ARHGAP17: variants seen among roughly 807,000 people sequenced by gnomAD.
The protein encoded by ARHGAP17 is rho GTPase-activating protein 17.
Under a neutral mutation model 99.5 loss-of-function variants are expected in ARHGAP17, and 57 were observed. That is an observed-to-expected ratio of 0.57 (90% CI 0.46 to 0.71). The LOEUF (loss-of-function observed/expected upper bound fraction) is 0.71, where lower values mean the gene tolerates loss of function less well. Among genes scored for constraint, ARHGAP17 ranks in the 30% least tolerant of loss-of-function variants. The probability of loss-of-function intolerance (pLI) is 0.00; values close to 1 mark genes in which losing one functional copy is unlikely to be tolerated. For synonymous variants in ARHGAP17, 417 were observed against 429.6 expected, an observed-to-expected ratio of 0.97 and a Z score of 0.36; for missense variants, 1,000 against 1,122.4, an observed-to-expected ratio of 0.89 and a Z score of 1.56.
chr16:24,944,917 A>G (rs906234872), intron 14 of ARHGAP17, among the ~76,000 whole-genome samples: 1 of 151,818 alleles, frequency 6.6e-6, no homozygotes, highest in Non-Finnish European at 1.5e-5. Flanking sequence ...CGCCTGGCAA[A>G]TGTGCCTTTT....
intron 1 of ARHGAP17, among the ~76,000 whole-genome samples, chr16:24,980,987 C>T (rs1311593924): frequency 6.6e-6 from 1 of 152,096 alleles, no homozygotes; most frequent in Non-Finnish European, 1.5e-5. Flanking sequence ...CAAATATGTC[C>T]TTTTTCAGAG....
chr16:24,999,722 G>A (rs763686312), intron 1 of ARHGAP17, among the ~76,000 whole-genome samples: 8 of 152,120 alleles, frequency 5.3e-5, no homozygotes, highest in Non-Finnish European at 1.0e-4. Context: ...CCCACCTACA[G>A]GCTATCTTTT....
At chr16:25,004,443 C>T (rs1046841633) in intron 1 of ARHGAP17, among the ~76,000 whole-genome samples, 3 of 152,142 alleles carry the variant, frequency 2.0e-5, no homozygotes, top group African/African-American at 7.2e-5. Context: ...TACCGCTGGC[C>T]ATGGTTTCAA....
chr16:24,964,279 GT>G lies in ARHGAP17; in HGVS notation c.490del (p.Thr164ProfsTer10). The G allele has an allele frequency of 6.2e-7, 1 of 1,613,682 alleles. No homozygotes were observed. Among genetic ancestry groups the G allele is most frequent in the Non-Finnish European group, 8.5e-7 (1 of 1,179,880 alleles). ...TTTTGATGGAAGCCCCTGAAAGTTG[GT>G]TCCTGAGGATTTGTGAGCTTGGTTC... ...RWNQAHKSSG[T>X]NFQGLPSKID... is the part of the protein sequence containing the mutation. On this transcript the variant is annotated frameshift_variant, in exon 7 of 20. Coordinates refer to ENST00000289968, the MANE Select transcript of ARHGAP17 (RefSeq NM_001006634.3). LOFTEE classifies it high-confidence loss of function.
intron 7 of ARHGAP17, among the ~76,000 whole-genome samples, chr16:24,962,317 T>C (rs887840610): frequency 3.9e-5 from 6 of 152,148 alleles, no homozygotes; most frequent in African/African-American, 1.4e-4. Flanking sequence ...AGTACACATA[T>C]ATCATGCATA....
Position 24,962,954 on chromosome 16 carries a change from T to G in ARHGAP17, c.573+1243A>C, listed in dbSNP as rs112823197. ...ATCTGAGGAAATTACCCACAAGGTA[T>G]GCATAGAGAGAGAAGGAGGCAGAAA... On this transcript the variant is annotated intron_variant, in intron 7 of 19. Transcript: ENST00000289968. Among the ~76,000 whole-genome samples the G allele has an allele frequency of 1.5e-3, 224 of 152,320 alleles. No individual in the cohort carries two copies. The South Asian group carries it at 0.028, about 19-fold the overall frequency.
chr16:24,952,390 C>CT lies in ARHGAP17; in HGVS notation c.965-21dup. 1 of 1,592,918 alleles carries CT rather than the reference C, an allele frequency of 6.3e-7. No homozygotes were observed. The highest frequency in any genetic ancestry group is 8.6e-7 in the Non-Finnish European group (1 of 1,164,166). Reference sequence around the variant, plus strand: ...AAGCACCTGAAATCATTAACACTCTCTTTGAGTATGAAAAAGGGGTAAGGC... The same window carrying CT: ...AAGCACCTGAAATCATTAACACTCTCTTTTGAGTATGAAAAAGGGGTAAGGC... On this transcript the variant is annotated intron_variant, in intron 11 of 19. Coordinates refer to ENST00000289968, the MANE Select transcript of ARHGAP17 (RefSeq NM_001006634.3).
At chr16:24,959,539 G>C in intron 9 of ARHGAP17, 132 bp downstream of exon 9, 1 of 801,844 alleles carries the variant, frequency 1.2e-6, no homozygotes. Context: ...AATTATGCTG[G>C]GAAACAGTAC....
chr16:24,946,645 T>TA (rs1284209863), intron 14 of ARHGAP17, among the ~76,000 whole-genome samples: 2 of 152,056 alleles, frequency 1.3e-5, no homozygotes, highest in East Asian at 1.9e-4. Flanking sequence ...AAGCAGGAGA[T>TA]AAACTCCCAT....
intron 1 of ARHGAP17, among the ~76,000 whole-genome samples, chr16:25,001,373 C>T (rs1317357002): frequency 6.6e-6 from 1 of 152,152 alleles, no homozygotes; most frequent in African/African-American, 2.4e-5. Flanking sequence ...ATTTATTAGG[C>T]CATAAAAACC....
intron 3 of ARHGAP17, among the ~76,000 whole-genome samples, chr16:24,974,379 G>A (rs779325949): frequency 2.0e-5 from 3 of 152,126 alleles, no homozygotes; most frequent in South Asian, 2.1e-4. Flanking sequence ...GCAGTGAGCC[G>A]GGATCAACCA....
chr16:24,924,435 C>A (rs2050789634), intron 19 of ARHGAP17, among the ~76,000 whole-genome samples: 1 of 116,342 alleles, frequency 8.6e-6, no homozygotes, highest in African/African-American at 2.9e-5. Context: ...TTGGAGGTCT[C>A]TTTTCTGTTT....
chr16:24,935,657 C>A lies in ARHGAP17; in HGVS notation c.1725-18G>T. 2 of 1,612,634 alleles carry A rather than the reference C, an allele frequency of 1.2e-6. No homozygotes were observed. The highest frequency in any genetic ancestry group is 2.2e-5 in the South Asian group (2 of 90,996). On this transcript the variant is annotated intron_variant, in intron 17 of 19. Transcript: ENST00000289968. Reference sequence around the variant, plus strand: ...TGGGAGGACTAAGAGGAGTAAAAGTCAAGTTAGACGTCAGACAATCCCAGC... The same window carrying A: ...TGGGAGGACTAAGAGGAGTAAAAGTAAAGTTAGACGTCAGACAATCCCAGC...
intron 18 of ARHGAP17, among the ~76,000 whole-genome samples, chr16:24,932,036 G>A (rs1433813766): frequency 1.3e-5 from 2 of 151,776 alleles, no homozygotes; most frequent in South Asian, 2.1e-4. Flanking sequence ...AGGATCCCAT[G>A]AGCCTGGGAA....
intron 1 of ARHGAP17, among the ~76,000 whole-genome samples, chr16:24,990,478 C>G (rs975134677): frequency 2.0e-5 from 3 of 148,976 alleles, no homozygotes; most frequent in African/African-American, 7.6e-5. Flanking sequence ...AAAGCAAGAT[C>G]TTGTCTCAAA....
intron 1 of ARHGAP17, among the ~76,000 whole-genome samples, chr16:24,981,424 T>A (rs992692737): frequency 2.0e-5 from 3 of 151,826 alleles, no homozygotes; most frequent in African/African-American, 4.8e-5. Flanking sequence ...CAATGAAAAA[T>A]TATAACTGTA....
intron 1 of ARHGAP17, among the ~76,000 whole-genome samples, chr16:24,980,128 C>A (rs1408239000): frequency 6.6e-6 from 1 of 152,146 alleles, no homozygotes. Flanking sequence ...TGATCTTGGC[C>A]GGGAACCAAT....
chr16:24,943,671 C>T (rs924396917), intron 15 of ARHGAP17, 100 bp downstream of exon 15: 38 of 1,022,648 alleles, frequency 3.7e-5, no homozygotes, highest in Admixed American at 1.1e-4. Context: ...AAACCAATTA[C>T]GTAATCATGA....
At position 24,930,745 on chromosome 16, in the gene ARHGAP17, G is replaced by A. The variant is rs767342198; in HGVS notation, c.2515+39C>T. 3 of 1,614,164 alleles carry A rather than the reference G, an allele frequency of 1.9e-6. No homozygotes were observed. The South Asian group carries it at 3.3e-5, about 18-fold the overall frequency. On this transcript the variant is annotated intron_variant, in intron 19 of 19. Transcript: ENST00000289968. ...AATGTAGTAGTACAAAAGCAATGTAGAGCAGACGAGGAAATACGGGCATTG... is the reference window on the plus strand; with the variant it reads ...AATGTAGTAGTACAAAAGCAATGTAAAGCAGACGAGGAAATACGGGCATTG...
Sources: allele counts gnomAD v4.1 joint callset (sites outside exome capture counted in the v4.1 genomes callset), GRCh38; gene constraint gnomAD v4.1.1; transcripts MANE v1.5; gene names NCBI Gene and HGNC (gene_info 2026-07-23, HGNC 2026-07-21).